PATJ: variants seen among roughly 807,000 people sequenced by gnomAD.
PATJ encodes inaD-like protein.
PATJ carries 190 observed loss-of-function variants against 224.9 expected under a neutral mutation model. That is an observed-to-expected ratio of 0.84 (90% confidence interval 0.75 to 0.95). The LOEUF (loss-of-function observed/expected upper bound fraction) is 0.95. Ranked by LOEUF, PATJ falls within the 40% of genes least tolerant of loss-of-function variation. The pLI is 0.00. For synonymous variants in PATJ, 769 were observed against 820.3 expected (o/e 0.94, Z 1.07); for missense variants, 2,121 against 2,270.3 (o/e 0.93, Z 1.34).
intron 33 of PATJ, among the ~76,000 whole-genome samples, chr1:62,095,230 A>T (rs1248323743): frequency 6.6e-6 from 1 of 152,210 alleles, no homozygotes; most frequent in Non-Finnish European, 1.5e-5. Context: ...AATAAGAAAA[A>T]AATTATCTTA....
intron 28 of PATJ, 84 bp from the exon 29 acceptor site, chr1:62,017,764 AAATTCAGT>A: frequency 1.5e-6 from 1 of 680,110 alleles, no homozygotes; most frequent in Non-Finnish European, 2.5e-6. Flanking sequence ...AAAAGAAAAG[AAATTCAGT>A]AGACTTTATC....
intron 40 of PATJ, 145 bp downstream of exon 40, chr1:62,128,239 T>C: frequency 1.4e-6 from 1 of 714,092 alleles, no homozygotes; most frequent in Non-Finnish European, 2.3e-6. Flanking sequence ...ATAAACTTGA[T>C]ACCTTTAGAA....
At chr1:61,989,539 G>A (rs577584176) in intron 27 of PATJ, among the ~76,000 whole-genome samples, 13 of 152,232 alleles carry the variant, frequency 8.5e-5, no homozygotes, top group East Asian at 1.9e-4. Context: ...CTACTGGACC[G>A]TAAGTCCTAA....
chr1:61,883,602 T>G (rs1368504216), intron 21 of PATJ, among the ~76,000 whole-genome samples: 1 of 151,486 alleles, frequency 6.6e-6, no homozygotes, highest in East Asian at 1.9e-4. Flanking sequence ...ATACAAAAAT[T>G]ATTGTATTTT....
intron 14 of PATJ, among the ~76,000 whole-genome samples, chr1:61,813,334 CAT>C (rs747640923): frequency 0.033 from 2,043 of 62,578 alleles, 26 homozygotes; most frequent in East Asian, 0.059. Context: ...ATGGAATGTA[CAT>C]ATATATATAT....
chr1:61,940,738 A>G (rs1244183801), intron 27 of PATJ, among the ~76,000 whole-genome samples: 1 of 151,494 alleles, frequency 6.6e-6, no homozygotes, highest in Non-Finnish European at 1.5e-5. Context: ...AAAAAAAGAG[A>G]AAAAGAAAAG....
At chr1:61,894,270 C>A (rs1199876073) in intron 22 of PATJ, among the ~76,000 whole-genome samples, 3,139 of 148,710 alleles carry the variant, frequency 0.021, 66 homozygotes, top group Non-Finnish European at 0.03. Flanking sequence ...AAAAAAAAAA[C>A]ACAAAAAAAA....
chr1:62,093,990 G>A (rs1479218786), intron 33 of PATJ, among the ~76,000 whole-genome samples: 1 of 152,112 alleles, frequency 6.6e-6, no homozygotes, highest in African/African-American at 2.4e-5. Context: ...TCTTATGTTA[G>A]CCATGTATTG....
At chr1:61,998,613 A>G (rs1645560129) in intron 28 of PATJ, among the ~76,000 whole-genome samples, 1 of 137,060 alleles carries the variant, frequency 7.3e-6, no homozygotes, top group Admixed American at 7.3e-5. Flanking sequence ...AGAACCAAAG[A>G]AGAAGAAAAT....
At chr1:61,979,498 C>A (rs1229570994) in intron 27 of PATJ, among the ~76,000 whole-genome samples, 1 of 151,758 alleles carries the variant, frequency 6.6e-6, no homozygotes, top group African/African-American at 2.4e-5. Context: ...ACTAAAAATA[C>A]AAAAATTAGC....
chr1:61,861,284 C>CTTTTTTTTTTTTTTTTTTTTTTTTTT lies in PATJ; in HGVS notation c.2323-244_2323-243insTTTTTTTTTTTTTTTTTTTTTTTTTT. 2.9e-4 allele frequency among the ~76,000 whole-genome samples: 14 copies of CTTTTTTTTTTTTTTTTTTTTTTTTTT among 48,848 alleles called. 2 individuals are homozygous for CTTTTTTTTTTTTTTTTTTTTTTTTTT. Among genetic ancestry groups the CTTTTTTTTTTTTTTTTTTTTTTTTTT allele is most frequent in the Non-Finnish European group, 2.9e-4 (7 of 23,764 alleles). 32.0% of individuals were successfully genotyped at this position (48,848 alleles called of 152,430 possible). A position where few individuals can be genotyped will look rare whatever the true frequency, so the allele number is the denominator to read the frequency against. ...TGAAACCAGGATATTTTCTTTCTTT[C>CTTTTTTTTTTTTTTTTTTTTTTTTTT]TTTTTTTTTTTTTTTTTTTTTTTAC... On this transcript the variant is annotated intron_variant, in intron 18 of 43. Coordinates refer to ENST00000642238, the MANE Select transcript of PATJ (RefSeq NM_001350145.3).
intron 1 of PATJ, among the ~76,000 whole-genome samples, chr1:61,745,204 A>G (rs1461167014): frequency 6.6e-6 from 1 of 152,234 alleles, no homozygotes; most frequent in African/African-American, 2.4e-5. Flanking sequence ...GGGTATGGGC[A>G]GGACCCCTTC....
At chr1:62,037,502 T>A (rs1650658877) in intron 29 of PATJ, among the ~76,000 whole-genome samples, 1 of 152,158 alleles carries the variant, frequency 6.6e-6, no homozygotes, top group South Asian at 2.1e-4. Context: ...TGCAGCCCTA[T>A]TGTAGACACC....
chr1:62,118,471 A>G (rs968552838), intron 37 of PATJ, among the ~76,000 whole-genome samples: 2 of 152,192 alleles, frequency 1.3e-5, no homozygotes, highest in Non-Finnish European at 2.9e-5. Flanking sequence ...AAAGAAGGAA[A>G]AGGCATCTCA....
rs1006838136 is a variant in PATJ at position 61,759,211 on chromosome 1, T to G, written c.-35-3647T>G. ...ACATGATGAGATTTTTTTGCAATTT[T>G]TTTTAAAGCTCATCAGCTATCATTA... On this transcript the variant is annotated intron_variant, in intron 1 of 43. Transcript: ENST00000642238. Among the ~76,000 whole-genome samples the G allele has an allele frequency of 3.2e-4, 49 of 152,260 alleles. 1 individual carries two copies. Among genetic ancestry groups the G allele is most frequent in the Admixed American group, 2.7e-3 (42 of 15,280 alleles).
chr1:61,944,526 A>T (rs915637180), intron 27 of PATJ, among the ~76,000 whole-genome samples: 1 of 152,212 alleles, frequency 6.6e-6, no homozygotes, highest in Non-Finnish European at 1.5e-5. Flanking sequence ...AGCTTAGAGA[A>T]CAAAGAGTAC....
At chr1:61,826,101 T>C (rs1658201312) in intron 15 of PATJ, among the ~76,000 whole-genome samples, 1 of 152,218 alleles carries the variant, frequency 6.6e-6, no homozygotes, top group Non-Finnish European at 1.5e-5. Context: ...TAGAGCTAGC[T>C]TCCTAAAGTG....
intron 33 of PATJ, among the ~76,000 whole-genome samples, chr1:62,106,079 T>TATACAC (rs1313613418): frequency 4.1e-3 from 85 of 20,764 alleles, no homozygotes; most frequent in Middle Eastern, 0.045. Context: ...TATATATATA[T>TATACAC]ACACACACAC....
chr1:62,100,810 A>G (rs1429740045), intron 33 of PATJ, among the ~76,000 whole-genome samples: 1 of 152,194 alleles, frequency 6.6e-6, no homozygotes, highest in Non-Finnish European at 1.5e-5. Flanking sequence ...CAAGGATGGG[A>G]GGTGGCGCAA....
Sources: gnomAD v4.1 joint callset for allele counts (sites outside exome capture counted in the v4.1 genomes callset) on GRCh38, gnomAD v4.1.1 for gene constraint, MANE v1.5 for transcripts, NCBI Gene and HGNC (gene_info 2026-07-23, HGNC 2026-07-21) for gene names.